SLC22A23: variants seen among roughly 807,000 people sequenced by gnomAD.
SLC22A23 encodes the protein solute carrier family 22 member 23.
A neutral mutation model predicts 61.0 loss-of-function variants in SLC22A23; 26 were observed. That is an observed-to-expected ratio of 0.43 (90% CI 0.31 to 0.59). The LOEUF is 0.59. Among genes scored for constraint, SLC22A23 ranks in the 20% least tolerant of loss-of-function variants. The pLI, the probability that SLC22A23 is intolerant of heterozygous loss-of-function variation, is 0.11. For synonymous variants in SLC22A23, 430 were observed against 413.9 expected (o/e 1.04, Z -0.47); for missense variants, 796 against 934.7 (o/e 0.85, Z 1.94).
At chr6:3,374,277 T>A (rs1766415337) in intron 3 of SLC22A23, among the ~76,000 whole-genome samples, 1 of 152,250 alleles carries the variant, frequency 6.6e-6, no homozygotes, top group Non-Finnish European at 1.5e-5. Context: ...AAGCCTGGTA[T>A]ATCTTTGGGT....
chr6:3,326,010 T>C (rs1467755920), intron 3 of SLC22A23, among the ~76,000 whole-genome samples: 2 of 152,256 alleles, frequency 1.3e-5, no homozygotes, highest in Non-Finnish European at 2.9e-5. Flanking sequence ...ACTACACTTC[T>C]TTTACCAGAG....
chr6:3,449,902 C>T (rs181957173), intron 1 of SLC22A23, among the ~76,000 whole-genome samples: 16 of 152,262 alleles, frequency 1.1e-4, no homozygotes, highest in Non-Finnish European at 2.2e-4. Context: ...AATGCTTCCT[C>T]GGTAAGTGAT....
At chr6:3,340,175 T>C (rs1380556449) in intron 3 of SLC22A23, among the ~76,000 whole-genome samples, 1 of 151,994 alleles carries the variant, frequency 6.6e-6, no homozygotes, top group Non-Finnish European at 1.5e-5. Context: ...GGCTTTGAAA[T>C]TGGTTGGCAT....
rs567563514 is a variant in SLC22A23 at position 3,302,850 on chromosome 6, C to T, written c.1083-4632G>A. The T allele has an allele frequency of 2.0e-5, 3 of 151,138 alleles. No homozygotes were observed. The South Asian group carries it at 6.3e-4, about 32-fold the overall frequency. The allele number at this position is 151,138 out of a possible 1,614,324, so 9.4% of individuals were successfully genotyped here. On this transcript the variant is annotated intron_variant, in intron 4 of 9. Transcript: ENST00000406686. ...TTTTTGAGACTTGTTTTGTGTTCTA[C>T]CATACAGCTGATCCTGGAGAAACTA...
In SLC22A23 at chr6:3,386,948, TCAA is replaced by T. The variant is rs1379624667; in HGVS notation, c.913+23237_913+23239del. On this transcript the variant is annotated intron_variant, in intron 3 of 9. Transcript: ENST00000406686. The surrounding 1 kb of genome is among the most constrained non-coding windows in gnomAD (Gnocchi z 4.4). ...CAGACCACCACTCCAGCCTTTGAAATCAACAACAACCACACACAACTCTTCTCT... is the reference window on the plus strand; with the variant it reads ...CAGACCACCACTCCAGCCTTTGAAATCAACAACCACACACAACTCTTCTCT... 3.3e-5 allele frequency among the ~76,000 whole-genome samples: 5 copies of T among 152,224 alleles called. No individual in the cohort carries two copies. The highest frequency in any genetic ancestry group is 3.3e-4 in the Admixed American group (5 of 15,288).
chr6:3,280,490 C>CTTTTTTTTTTTTTT (rs1163139930), intron 9 of SLC22A23, among the ~76,000 whole-genome samples: 1 of 57,284 alleles, frequency 1.7e-5, no homozygotes, highest in African/African-American at 5.7e-5. Flanking sequence ...TAAGACACAA[C>CTTTTTTTTTTTTTT]TTTTTTTTTT....
Position 3,320,360 on chromosome 6 carries a change from T to C in SLC22A23, c.1082+3474A>G, listed in dbSNP as rs534699319. Reference sequence around the variant, plus strand: ...CCAGTCCTCACACGTTTGTCTTTACTGCCCCTACCCCAAGAAGCCGCCCCT... The same window carrying C: ...CCAGTCCTCACACGTTTGTCTTTACCGCCCCTACCCCAAGAAGCCGCCCCT... On this transcript the variant is annotated intron_variant, in intron 4 of 9. Transcript: ENST00000406686. Among the ~76,000 whole-genome samples the C allele has an allele frequency of 5.9e-5, 9 of 152,300 alleles. No homozygotes were observed. The South Asian group carries it at 1.5e-3, about 25-fold the overall frequency.
chr6:3,412,067 G>C (rs1330119883), intron 2 of SLC22A23, among the ~76,000 whole-genome samples: 4 of 152,188 alleles, frequency 2.6e-5, no homozygotes, highest in Non-Finnish European at 5.9e-5. Flanking sequence ...CCTTCACTAG[G>C]GGGGATGATG....
rs1180741122 is a variant in SLC22A23, at chr6:3,304,763, G to A, written c.1083-6545C>T. ...GGCAGGCCCTGTATCCCCTCGTACT[G>A]CTGGAGGTGTGTGGGGCAGGACCCA... On this transcript the variant is annotated intron_variant, in intron 4 of 9. Transcript: ENST00000406686. The surrounding 1 kb of genome is among the most constrained non-coding windows in gnomAD (Gnocchi z 4.3). Among the ~76,000 whole-genome samples the A allele has an allele frequency of 3.9e-5, 6 of 152,090 alleles. No homozygotes were observed. Among genetic ancestry groups the A allele is most frequent in the Non-Finnish European group, 7.4e-5 (5 of 68,020 alleles).
Position 3,324,207 on chromosome 6 carries a change from T to C in SLC22A23, c.914-205A>G. On this transcript the variant is annotated intron_variant, in intron 3 of 9. Transcript: ENST00000406686. The surrounding 1 kb of genome is among the most constrained non-coding windows in gnomAD (Gnocchi z 4.3). ...ACTGGGAAGGGAAGTGAGACGGTTG[T>C]TCAAGGCCACAGGGCTAGTCGATGA... 1 of 606,072 alleles carries C rather than the reference T, an allele frequency of 1.6e-6. No individual in the cohort carries two copies. The highest frequency in any genetic ancestry group is 2.1e-5 in the South Asian group (1 of 48,148). 37.5% of individuals were successfully genotyped at this position (606,072 alleles called of 1,614,324 possible).
intron 3 of SLC22A23, among the ~76,000 whole-genome samples, chr6:3,370,661 T>C (rs546699722): frequency 8.8e-4 from 134 of 152,368 alleles, no homozygotes; most frequent in African/African-American, 3.1e-3. Context: ...GTTGAGCAAG[T>C]CCTCACGATG....
At chr6:3,443,819 C>T (rs865971324) in intron 1 of SLC22A23, among the ~76,000 whole-genome samples, 3 of 152,108 alleles carry the variant, frequency 2.0e-5, no homozygotes, top group Admixed American at 6.6e-5. Context: ...CTGTGTTGGC[C>T]GTTGCTTGAC....
Position 3,273,138 on chromosome 6 carries a change from C to G in SLC22A23, c.1978G>C (p.Asp660His). 6.2e-7 allele frequency: 1 copy of G among 1,610,402 alleles called. No homozygotes were observed. The highest frequency in any genetic ancestry group is 8.5e-7 in the Non-Finnish European group (1 of 1,179,752). Reference sequence around the variant, plus strand: ...GCGGCATCGTGGAGGCCCGAGTAGTCCTTGAGCTCGGCGTTGGTGAGCAGC... The same window carrying G: ...GCGGCATCGTGGAGGCCCGAGTAGTGCTTGAGCTCGGCGTTGGTGAGCAGC... ...PLLLTNAELK[D>H]YSGLHDAAAA... is the part of the protein sequence containing the mutation. Residue 660 changes from aspartate to histidine, a missense_variant, in exon 10 of 10, where the codon GAC becomes CAC. Coordinates refer to ENST00000406686, the MANE Select transcript of SLC22A23 (RefSeq NM_015482.2).
intron 4 of SLC22A23, among the ~76,000 whole-genome samples, chr6:3,305,674 G>A (rs1272495890): frequency 6.6e-6 from 1 of 152,236 alleles, no homozygotes; most frequent in Non-Finnish European, 1.5e-5. Flanking sequence ...GAATAGAGCT[G>A]AGCCTCAGAG....
intron 1 of SLC22A23, among the ~76,000 whole-genome samples, chr6:3,453,642 T>C (rs1409647552): frequency 6.6e-6 from 1 of 152,116 alleles, no homozygotes; most frequent in Admixed American, 6.5e-5. Context: ...ATGGTGCATA[T>C]ATTGTAGGGC....
At chr6:3,401,419 CAGT>C (rs1162475077) in intron 3 of SLC22A23, among the ~76,000 whole-genome samples, 3 of 147,080 alleles carry the variant, frequency 2.0e-5, no homozygotes, top group Non-Finnish European at 4.4e-5. Context: ...TATTTTGCCA[CAGT>C]AAAAAAAAAA....
intron 1 of SLC22A23, among the ~76,000 whole-genome samples, chr6:3,425,014 C>A (rs958809965): frequency 2.0e-5 from 3 of 152,186 alleles, no homozygotes; most frequent in African/African-American, 7.2e-5. Context: ...TCCCAGAAGT[C>A]AGAATGCTCC....
At chr6:3,361,839 G>A (rs1287111325) in intron 3 of SLC22A23, among the ~76,000 whole-genome samples, 3 of 152,188 alleles carry the variant, frequency 2.0e-5, no homozygotes, top group Non-Finnish European at 2.9e-5. Context: ...CGGGAAACAC[G>A]TGCCGGTTCT....
At chr6:3,438,191 C>T (rs928598451) in intron 1 of SLC22A23, among the ~76,000 whole-genome samples, 1 of 152,190 alleles carries the variant, frequency 6.6e-6, no homozygotes, top group Admixed American at 6.5e-5. Context: ...AGGAAGACAA[C>T]GCTACCAAGT....
Sources: allele counts gnomAD v4.1 joint callset (sites outside exome capture counted in the v4.1 genomes callset), GRCh38; gene constraint gnomAD v4.1.1; non-coding constraint Gnocchi (gnomAD v3.1); transcripts MANE v1.5; gene names NCBI Gene and HGNC (gene_info 2026-07-23, HGNC 2026-07-21).